FAT4: variants seen among roughly 807,000 people sequenced by gnomAD.
FAT4 encodes protocadherin Fat 4.
FAT4 carries 84 observed loss-of-function variants against 303.9 expected under a neutral mutation model. That is an observed-to-expected ratio of 0.28 (90% CI 0.23 to 0.33). The LOEUF is 0.33. FAT4 is among the 10% of genes least tolerant of loss of function. The pLI, the probability that FAT4 is intolerant of heterozygous loss-of-function variation, is 1.00. For synonymous variants in FAT4, 2,307 were observed against 2,298.8 expected (o/e 1.00, Z -0.10); for missense variants, 6,005 against 6,146.8 (o/e 0.98, Z 0.77).
chr4:125,433,723 C>G, intron 7 of FAT4, among the ~76,000 whole-genome samples: 1 of 152,282 alleles, frequency 6.6e-6, no homozygotes, highest in South Asian at 2.1e-4. Context: ...TGAGATATAA[C>G]TTGAAGCTAT....
In FAT4 at chr4:125,316,903, C is replaced by T; in HGVS notation, c.492C>T (p.Ile164=). Residue 164 remains isoleucine, a synonymous_variant, in exon 2 of 18, where the codon ATC becomes ATT. Transcript: ENST00000394329. The surrounding 1 kb of genome is among the most constrained non-coding windows in gnomAD (Gnocchi z 5.7). The part of the protein sequence containing the change: ...VILDTATDSD[I]GSNGVDHRSY... Reference sequence around the variant, plus strand: ...TAGACACCGCCACCGACTCGGACATCGGCTCAAACGGTGTGGACCACCGCT... The same window carrying T: ...TAGACACCGCCACCGACTCGGACATTGGCTCAAACGGTGTGGACCACCGCT... The T allele has an allele frequency of 6.2e-7, 1 of 1,613,932 alleles. No individual in the cohort carries two copies.
chr4:125,468,969 A>T (rs1256786932), intron 12 of FAT4, 150 bp downstream of exon 12: 4 of 780,760 alleles, frequency 5.1e-6, no homozygotes, highest in African/African-American at 3.5e-5. Context: ...TCTTTTGCTC[A>T]TGACAACTCT....
At chr4:125,464,260 T>G (rs1444662600) in intron 11 of FAT4, among the ~76,000 whole-genome samples, 1 of 152,134 alleles carries the variant, frequency 6.6e-6, no homozygotes, top group African/African-American at 2.4e-5. Flanking sequence ...TAAAAAGAAC[T>G]TTTTTGTATA....
chr4:125,436,474 G>A (rs1326389513), intron 8 of FAT4, among the ~76,000 whole-genome samples: 1 of 152,172 alleles, frequency 6.6e-6, no homozygotes, highest in Non-Finnish European at 1.5e-5. Flanking sequence ...ACATTTGAGA[G>A]TCATCAGTGT....
chr4:125,475,866 T>C (rs755735790), intron 12 of FAT4, among the ~76,000 whole-genome samples: 3 of 152,124 alleles, frequency 2.0e-5, no homozygotes, highest in Non-Finnish European at 2.9e-5. Flanking sequence ...TTGTGTATTA[T>C]TCTAAAAAAG....
At position 125,415,550 on chromosome 4, in the gene FAT4, G is replaced by A. The variant is rs745910292; in HGVS notation, c.6587G>A (p.Gly2196Asp). 2 of 1,614,058 alleles carry A rather than the reference G, an allele frequency of 1.2e-6. No individual in the cohort carries two copies. The highest frequency in any genetic ancestry group is 3.3e-5 in the Admixed American group (2 of 60,008). ...NGQVRYGIVN[G>D]NTNQEFRIDS... ...CAGGTTCGCTATGGCATTGTTAATG[G>A]TAATACCAATCAGGAATTTCGGATA... is the stretch of plus-strand genomic sequence containing the variant. Residue 2196 changes from glycine (G) to aspartate (D), a missense_variant, in exon 6 of 18, where the codon GGT becomes GAT. Coordinates refer to ENST00000394329, the MANE Select transcript of FAT4 (RefSeq NM_001291303.3).
chr4:125,466,074 A>G (rs1308902978), intron 11 of FAT4, among the ~76,000 whole-genome samples: 1 of 152,316 alleles, frequency 6.6e-6, no homozygotes, highest in Non-Finnish European at 1.5e-5. Context: ...TTAGCTTCTC[A>G]TCAATAAAAG....
At position 125,421,181 on chromosome 4, in the gene FAT4, C is replaced by T. The variant is rs1724864767; in HGVS notation, c.7018+4559C>T. Among the ~76,000 whole-genome samples, 4 of 152,282 alleles carry T rather than the reference C, an allele frequency of 2.6e-5. No individual in the cohort carries two copies. In the South Asian group the frequency reaches 8.3e-4, roughly 32 times the overall value. On this transcript the variant is annotated intron_variant, in intron 7 of 17. Coordinates refer to ENST00000394329, the MANE Select transcript of FAT4 (RefSeq NM_001291303.3). ...CAGACAATCCATCTGCCTTGGCCTC[C>T]CAAAGTGCTAGGCGTGAGCCACTGC...
intron 16 of FAT4, 52 bp downstream of exon 16, chr4:125,481,790 G>C: frequency 6.6e-7 from 1 of 1,511,332 alleles, no homozygotes; most frequent in Non-Finnish European, 9.2e-7. Flanking sequence ...CTGCCGTGTA[G>C]TGGTTTAAAT....
intron 2 of FAT4, among the ~76,000 whole-genome samples, chr4:125,334,382 C>T (rs974474113): frequency 6.6e-6 from 1 of 152,062 alleles, no homozygotes; most frequent in Non-Finnish European, 1.5e-5. Flanking sequence ...GTCCCTAAAT[C>T]CCATTTGCAA....
chr4:125,320,167 A>T lies in FAT4; in HGVS notation c.3756A>T (p.Gly1252=). The T allele has an allele frequency of 6.2e-7, 1 of 1,614,038 alleles. No individual in the cohort carries two copies. Residue 1252 remains glycine, a synonymous_variant, in exon 2 of 18, where the codon GGA becomes GGT. Coordinates refer to ENST00000394329, the MANE Select transcript of FAT4 (RefSeq NM_001291303.3). ...TTATTCACTATTCTATAATAAAAGG[A>T]AATGAAGAAAGACAGTTTGCTATAG... ...NGLIHYSIIK[G]NEERQFAIDS... is the part of the protein sequence containing the mutation.
At chr4:125,444,032 CTATT>C (rs1421024449) in intron 8 of FAT4, among the ~76,000 whole-genome samples, 13 of 152,066 alleles carry the variant, frequency 8.5e-5, no homozygotes, top group African/African-American at 2.9e-4. Context: ...ATATTAATGA[CTATT>C]TGCTCATTCA....
intron 2 of FAT4, among the ~76,000 whole-genome samples, chr4:125,398,292 G>A (rs1367640148): frequency 6.6e-6 from 1 of 152,160 alleles, no homozygotes. Flanking sequence ...TAAAGGTTGA[G>A]CGTGGACTTT....
chr4:125,409,798 G>A (rs888016733), intron 5 of FAT4, among the ~76,000 whole-genome samples: 4 of 152,062 alleles, frequency 2.6e-5, no homozygotes, highest in African/African-American at 9.7e-5. Context: ...AACATTGTAT[G>A]GATTATCAAC....
intron 17 of FAT4, 54 bp from the exon 18 acceptor site, chr4:125,489,847 C>CTTTTGTTT: frequency 2.2e-6 from 1 of 445,942 alleles, no homozygotes; most frequent in Non-Finnish European, 3.3e-6. Flanking sequence ...AGTATAAGCT[C>CTTTTGTTT]TTTTTTTTTT....
chr4:125,369,854 A>G (rs1167704109), intron 2 of FAT4, among the ~76,000 whole-genome samples: 1 of 152,194 alleles, frequency 6.6e-6, no homozygotes, highest in Admixed American at 6.5e-5. Context: ...GCTAACTGAT[A>G]TAAATGGAAT....
At chr4:125,374,612 A>G (rs1578572329) in intron 2 of FAT4, among the ~76,000 whole-genome samples, 2 of 152,198 alleles carry the variant, frequency 1.3e-5, no homozygotes, top group Admixed American at 1.3e-4. Flanking sequence ...TAAAGGGTAC[A>G]ATGTAGTTGT....
At chr4:125,444,863 T>A (rs1725775703) in intron 8 of FAT4, among the ~76,000 whole-genome samples, 1 of 152,120 alleles carries the variant, frequency 6.6e-6, no homozygotes, top group African/African-American at 2.4e-5. Flanking sequence ...ATTACACAAT[T>A]CTCAAATCCA....
rs1730927097 is a variant in FAT4 at position 125,321,183 on chromosome 4, T to G, written c.4772T>G (p.Val1591Gly). Residue 1591 changes from valine to glycine, a missense_variant, in exon 2 of 18, where the codon GTG (valine) becomes GGG (glycine). Transcript: ENST00000394329. Reference sequence around the variant, plus strand: ...GACCTGAGAGTGGCTTCAGCGTTGGTGCCTTCACAGTTGATCTACAATCTC... The same window carrying G: ...GACCTGAGAGTGGCTTCAGCGTTGGGGCCTTCACAGTTGATCTACAATCTC... Reference protein sequence around the residue: ...SGDLRVASALVPSQLIYNLIV... With the variant: ...SGDLRVASALGPSQLIYNLIV... 6.2e-7 allele frequency: 1 copy of G among 1,614,170 alleles called. No individual in the cohort carries two copies. The highest frequency in any genetic ancestry group is 1.7e-5 in the Admixed American group (1 of 60,022).
Sources: allele counts gnomAD v4.1 joint callset (sites outside exome capture counted in the v4.1 genomes callset), GRCh38; gene constraint gnomAD v4.1.1; non-coding constraint Gnocchi (gnomAD v3.1); transcripts MANE v1.5; gene names NCBI Gene and HGNC (gene_info 2026-07-23, HGNC 2026-07-21).